ADAMTSL1: variants seen among roughly 807,000 people sequenced by gnomAD.
ADAMTSL1 encodes the protein ADAMTS-like protein 1.
A neutral mutation model predicts 201.8 loss-of-function variants in ADAMTSL1; 126 were observed. That is an observed-to-expected ratio of 0.62 (90% CI 0.54 to 0.72). ADAMTSL1 has a LOEUF of 0.72. Among genes scored for constraint, ADAMTSL1 ranks in the 30% least tolerant of loss-of-function variants. The probability of loss-of-function intolerance (pLI) is 0.00; values close to 1 mark genes in which losing one functional copy is unlikely to be tolerated. For missense variants in ADAMTSL1, 2,679 were observed against 2,277.8 expected (o/e 1.18, Z -3.59); for synonymous variants, 1,121 against 903.4 (o/e 1.24, Z -4.32).
chr9:18,579,497 A>T (rs1014155250), intron 4 of ADAMTSL1, among the ~76,000 whole-genome samples: 8 of 145,892 alleles, frequency 5.5e-5, no homozygotes, highest in African/African-American at 1.2e-4. Flanking sequence ...AAGTATAATT[A>T]AAAAATAAAT....
chr9:18,520,404 T>C (rs1818622634), intron 2 of ADAMTSL1, among the ~76,000 whole-genome samples: 1 of 152,220 alleles, frequency 6.6e-6, no homozygotes, highest in African/African-American at 2.4e-5. Flanking sequence ...ATTCAGAACA[T>C]TTTTATAATG....
chr9:17,979,714 C>G (rs532109866), intron 1 of ADAMTSL1, among the ~76,000 whole-genome samples: 1 of 152,170 alleles, frequency 6.6e-6, no homozygotes, highest in African/African-American at 2.4e-5. Flanking sequence ...TTTTCTGTGG[C>G]TCTGGTGTTT....
At chr9:18,872,358 TG>T (rs1424605169) in intron 23 of ADAMTSL1, among the ~76,000 whole-genome samples, 1 of 152,136 alleles carries the variant, frequency 6.6e-6, no homozygotes, top group Non-Finnish European at 1.5e-5. Flanking sequence ...TCAGTAGGTT[TG>T]GGGGGAACAG....
intron 7 of ADAMTSL1, among the ~76,000 whole-genome samples, chr9:18,640,160 T>C (rs1587768786): frequency 1.3e-5 from 2 of 152,004 alleles, no homozygotes; most frequent in Non-Finnish European, 2.9e-5. Context: ...AGAATGCATA[T>C]AGGAAAATGC....
chr9:18,157,539 A>G (rs1351959341), intron 1 of ADAMTSL1, among the ~76,000 whole-genome samples: 2 of 152,002 alleles, frequency 1.3e-5, no homozygotes, highest in Non-Finnish European at 2.9e-5. Flanking sequence ...TCCCTAAATC[A>G]GACCCGAACT....
At chr9:18,842,318 G>A (rs1010629148) in intron 23 of ADAMTSL1, among the ~76,000 whole-genome samples, 7 of 152,080 alleles carry the variant, frequency 4.6e-5, no homozygotes, top group Admixed American at 4.6e-4. Flanking sequence ...TCAGGAGCAG[G>A]TTGTTCAGTT....
At chr9:18,659,840 G>A (rs1045891203) in intron 8 of ADAMTSL1, among the ~76,000 whole-genome samples, 26 of 152,060 alleles carry the variant, frequency 1.7e-4, no homozygotes, top group African/African-American at 6.3e-4. Flanking sequence ...TGTTCCATGG[G>A]AATACATTAT....
At chr9:18,350,196 A>G (rs1163153681) in intron 2 of ADAMTSL1, among the ~76,000 whole-genome samples, 1 of 152,016 alleles carries the variant, frequency 6.6e-6, no homozygotes, top group Admixed American at 6.6e-5. Flanking sequence ...AAGAACCACA[A>G]AATACTCTTC....
intron 5 of ADAMTSL1, among the ~76,000 whole-genome samples, chr9:18,626,314 G>C (rs1053777422): frequency 1.3e-5 from 2 of 152,170 alleles, no homozygotes; most frequent in Non-Finnish European, 2.9e-5. Context: ...AGGTGATGCA[G>C]GGGAGCTGCA....
At chr9:18,688,113 T>C (rs1830949128) in intron 13 of ADAMTSL1, among the ~76,000 whole-genome samples, 1 of 90,906 alleles carries the variant, frequency 1.1e-5, no homozygotes, top group African/African-American at 3.9e-5. Context: ...CATATATGTA[T>C]GTATGTATAT....
chr9:18,704,260 C>G (rs1284061618), intron 13 of ADAMTSL1, among the ~76,000 whole-genome samples: 1 of 152,158 alleles, frequency 6.6e-6, no homozygotes, highest in Non-Finnish European at 1.5e-5. Flanking sequence ...ACAGAGTTCA[C>G]GCAGTCCGCA....
intron 2 of ADAMTSL1, among the ~76,000 whole-genome samples, chr9:18,197,130 A>G (rs887557763): frequency 6.6e-6 from 1 of 152,138 alleles, no homozygotes; most frequent in Admixed American, 6.6e-5. Flanking sequence ...CAGAGTAATG[A>G]CTGAGTAAGC....
intron 9 of ADAMTSL1, 113 bp downstream of exon 9, chr9:18,662,186 A>T (rs963007007): frequency 2.2e-6 from 3 of 1,359,204 alleles, no homozygotes; most frequent in Non-Finnish European, 3.0e-6. Flanking sequence ...AAACATCAAT[A>T]GTGTTGCTGT....
chr9:18,228,699 C>T (rs1432563358), intron 2 of ADAMTSL1, among the ~76,000 whole-genome samples: 2 of 152,096 alleles, frequency 1.3e-5, no homozygotes, highest in Admixed American at 6.6e-5. Flanking sequence ...GGATTACAGG[C>T]ATGAGCCACA....
At chr9:17,929,374 C>T (rs1453759203) in intron 1 of ADAMTSL1, among the ~76,000 whole-genome samples, 3 of 152,112 alleles carry the variant, frequency 2.0e-5, no homozygotes, top group African/African-American at 2.4e-5. Flanking sequence ...CCTCTTCTTT[C>T]GTATCCCTAA....
At chr9:18,286,026 G>T (rs7867235) in intron 2 of ADAMTSL1, among the ~76,000 whole-genome samples, 16,890 of 151,066 alleles carry the variant, frequency 0.11, 1,055 homozygotes, top group Middle Eastern at 0.19. Context: ...CTATGCAACT[G>T]GTTACTTTCT....
intron 2 of ADAMTSL1, among the ~76,000 whole-genome samples, chr9:18,527,416 A>T (rs1819151245): frequency 6.6e-6 from 1 of 152,186 alleles, no homozygotes; most frequent in South Asian, 2.1e-4. Flanking sequence ...CACCAGAAGG[A>T]TCTATTGCTT....
chr9:18,696,279 G>A (rs1273536393), intron 13 of ADAMTSL1, among the ~76,000 whole-genome samples: 1 of 152,210 alleles, frequency 6.6e-6, no homozygotes, highest in Non-Finnish European at 1.5e-5. Context: ...AAAGAGAAGG[G>A]AAGAGGGTGA....
chr9:18,801,509 T>C (rs183183446), intron 20 of ADAMTSL1, among the ~76,000 whole-genome samples: 1 of 152,166 alleles, frequency 6.6e-6, no homozygotes, highest in Non-Finnish European at 1.5e-5. Context: ...AGCTATTTTT[T>C]CAGCTCCGCT....
Sources: allele counts gnomAD v4.1 joint callset (sites outside exome capture counted in the v4.1 genomes callset), GRCh38; gene constraint gnomAD v4.1.1; transcripts MANE v1.5; gene names NCBI Gene and HGNC (gene_info 2026-07-23, HGNC 2026-07-21).